Variants in PLEKHO2 observed in about 807,000 individuals in gnomAD.
PLEKHO2 encodes the protein pleckstrin homology domain containing O2.
PLEKHO2 carries 20 observed loss-of-function variants against 32.7 expected under a neutral mutation model. That is an observed-to-expected ratio of 0.61 (90% CI 0.43 to 0.89). PLEKHO2 has a LOEUF of 0.89. Ranked by LOEUF, PLEKHO2 falls within the 40% of genes least tolerant of loss-of-function variation. The probability of loss-of-function intolerance (pLI) is 0.00; values close to 1 mark genes in which losing one functional copy is unlikely to be tolerated. For missense variants in PLEKHO2, 568 were observed against 621.2 expected (o/e 0.91, Z 0.91); for synonymous variants, 247 against 246.3 (o/e 1.00, Z -0.03).
chr15:64,865,406 T>A lies in PLEKHO2; in HGVS notation c.991T>A (p.Ser331Thr), dbSNP rs763695996. 1.9e-6 allele frequency: 3 copies of A among 1,613,896 alleles called. No homozygotes were observed. The South Asian group carries it at 3.3e-5, about 18-fold the overall frequency. ...LKASMGEMQASGPPAPGTVQV... is the reference protein window; with the variant it reads ...LKASMGEMQATGPPAPGTVQV... ...AGCCTCCATGGGTGAGATGCAGGCT[T>A]CTGGGCCACCTGCTCCAGGCACAGT... is the stretch of plus-strand genomic sequence containing the variant. Residue 331 changes from serine to threonine, a missense_variant, in exon 6 of 6, where the codon TCT (serine) becomes ACT (threonine). Coordinates refer to ENST00000323544, the MANE Select transcript of PLEKHO2 (RefSeq NM_025201.5).
intron 1 of PLEKHO2, among the ~76,000 whole-genome samples, chr15:64,842,410 G>GTA: frequency 6.6e-6 from 1 of 151,594 alleles, no homozygotes; most frequent in East Asian, 1.9e-4. Context: ...GTGTGTGTGT[G>GTA]TGTGTGTGTG....
Position 64,842,388 on chromosome 15 carries a change from CTCTG to C in PLEKHO2, c.12+362_12+365del, listed in dbSNP as rs1349695488. The stretch of plus-strand genomic sequence containing the variant: ...GGTCGGATCCTGACTCTCTCTCTCT[CTCTG>C]TGTGTGTGTGTGTGTGTGTGTGTGT... On this transcript the variant is annotated intron_variant, in intron 1 of 5. Coordinates refer to ENST00000323544, the MANE Select transcript of PLEKHO2 (RefSeq NM_025201.5). 5.0e-4 allele frequency among the ~76,000 whole-genome samples: 71 copies of C among 141,860 alleles called. 2 individuals carry two copies. The highest frequency in any genetic ancestry group is 1.6e-3 in the African/African-American group (59 of 36,236). 93.1% of individuals were successfully genotyped at this position (141,860 alleles called of 152,430 possible).
chr15:64,858,105 T>C (rs1416825988), intron 3 of PLEKHO2, among the ~76,000 whole-genome samples: 2 of 152,226 alleles, frequency 1.3e-5, no homozygotes, highest in African/African-American at 4.8e-5. Context: ...AGATGCAGTG[T>C]GGTCTGTCTC....
chr15:64,866,200 G>C lies in PLEKHO2; in HGVS notation c.*312G>C. The stretch of plus-strand genomic sequence containing the variant: ...CGTTCCAAACTGCCCCAGGGCTTTG[G>C]GGGCGGCACTTGGGGTTTCTGGGAA... On this transcript the variant is annotated 3_prime_UTR_variant, in exon 6 of 6. Coordinates refer to ENST00000323544, the MANE Select transcript of PLEKHO2 (RefSeq NM_025201.5). 1 of 491,674 alleles carries C rather than the reference G, an allele frequency of 2.0e-6. No individual in the cohort carries two copies. Among genetic ancestry groups the C allele is most frequent in the African/African-American group, 1.9e-5 (1 of 51,582 alleles). The allele number at this position is 491,674 out of a possible 1,614,324, so 30.5% of individuals were successfully genotyped here.
intron 2 of PLEKHO2, among the ~76,000 whole-genome samples, chr15:64,849,268 C>T (rs780790890): frequency 6.6e-6 from 1 of 152,084 alleles, no homozygotes; most frequent in East Asian, 1.9e-4. Flanking sequence ...CTGCCTCAGC[C>T]TCTGGAGTAG....
intron 1 of PLEKHO2, among the ~76,000 whole-genome samples, chr15:64,843,625 G>A (rs2084501557): frequency 6.7e-6 from 1 of 150,068 alleles, no homozygotes; most frequent in African/African-American, 2.5e-5. Context: ...TTGTTGCCCA[G>A]GCTGGAGTGC....
Position 64,865,321 on chromosome 15 carries a change from C to T in PLEKHO2, c.906C>T (p.Ala302=), listed in dbSNP as rs760334798. 2.3e-5 allele frequency: 37 copies of T among 1,613,728 alleles called. No individual in the cohort carries two copies. The highest frequency in any genetic ancestry group is 1.6e-4 in the Middle Eastern group (1 of 6,080). ...CCTGTTCTGAGACTTCTGAGGCTGC[C>T]CCCAGGGAGGGTGGGAAGCCCCCTA... is the stretch of plus-strand genomic sequence containing the variant. ...QAPCSETSEA[A]PREGGKPPTP... Residue 302 remains alanine, a synonymous_variant, in exon 6 of 6, where the codon GCC becomes GCT. Coordinates refer to ENST00000323544, the MANE Select transcript of PLEKHO2 (RefSeq NM_025201.5).
rs865781586 is a variant in PLEKHO2, at chr15:64,848,727, G to A, written c.147G>A (p.Leu49=). Residue 49 remains leucine, a synonymous_variant, in exon 2 of 6, where the codon CTG becomes CTA. Transcript: ENST00000323544. ...RYLLLCQAQL[L]VYENEDDQKC... is the part of the protein sequence containing the mutation. ...TGCTCCTCTGCCAGGCCCAGCTGCT[G>A]GTCTATGAGAATGAGGTGAGGACCT... 6.2e-7 allele frequency: 1 copy of A among 1,613,980 alleles called. No individual in the cohort carries two copies. The highest frequency in any genetic ancestry group is 8.5e-7 in the Non-Finnish European group (1 of 1,180,026).
chr15:64,849,056 A>C (rs1249602712), intron 2 of PLEKHO2, among the ~76,000 whole-genome samples: 1 of 120,768 alleles, frequency 8.3e-6, no homozygotes, highest in Non-Finnish European at 1.7e-5. Context: ...GATCACTGCA[A>C]CCTCCGCCGC....
At chr15:64,853,561 T>C (rs1284804039) in intron 2 of PLEKHO2, among the ~76,000 whole-genome samples, 1 of 152,142 alleles carries the variant, frequency 6.6e-6, no homozygotes, top group Non-Finnish European at 1.5e-5. Context: ...CCCAAAGTGC[T>C]GGGATTACAG....
At chr15:64,856,594 C>T (rs1369904852) in intron 3 of PLEKHO2, among the ~76,000 whole-genome samples, 1 of 152,176 alleles carries the variant, frequency 6.6e-6, no homozygotes, top group African/African-American at 2.4e-5. Flanking sequence ...TCAGCCAACA[C>T]CCTCCCTACC....
chr15:64,859,764 C>T, intron 3 of PLEKHO2, 130 bp from the exon 4 acceptor site: 4 of 738,462 alleles, frequency 5.4e-6, no homozygotes, highest in Middle Eastern at 2.4e-4. Context: ...TGGCCCAAAG[C>T]CCCAGTGTCA....
At position 64,865,240 on chromosome 15, in the gene PLEKHO2, G is replaced by T; in HGVS notation, c.825G>T (p.Glu275Asp). 6.2e-7 allele frequency: 1 copy of T among 1,614,154 alleles called. No homozygotes were observed. The change falls in exon 6 of 6, where the codon GAG (glutamate) becomes GAT (aspartate). Residue 275 changes from glutamate to aspartate, a missense_variant. Coordinates refer to ENST00000323544, the MANE Select transcript of PLEKHO2 (RefSeq NM_025201.5). Reference protein sequence around the residue: ...VLPDKLKVSWENPSPQEAPAA... With the variant: ...VLPDKLKVSWDNPSPQEAPAA... ...CTGACAAACTGAAGGTGAGCTGGGA[G>T]AACCCCAGCCCCCAGGAGGCCCCTG...
chr15:64,852,738 A>G (rs1000682271), intron 2 of PLEKHO2, among the ~76,000 whole-genome samples: 8 of 151,828 alleles, frequency 5.3e-5, no homozygotes, highest in African/African-American at 1.9e-4. Context: ...CTTCTGCCTC[A>G]GCCTCCTGAG....
intron 3 of PLEKHO2, 51 bp from the exon 4 acceptor site, chr15:64,859,843 A>G (rs2084630365): frequency 6.6e-7 from 1 of 1,513,978 alleles, no homozygotes; most frequent in Non-Finnish European, 9.2e-7. Flanking sequence ...AAGATGCCAA[A>G]TGTGAGCTTT....
At chr15:64,849,723 G>A (rs1449672591) in intron 2 of PLEKHO2, among the ~76,000 whole-genome samples, 1 of 150,708 alleles carries the variant, frequency 6.6e-6, no homozygotes, top group African/African-American at 2.4e-5. Flanking sequence ...GATTACAGGC[G>A]TGAGCCTGCG....
intron 5 of PLEKHO2, among the ~76,000 whole-genome samples, chr15:64,862,303 C>T (rs540155712): frequency 1.7e-4 from 26 of 151,888 alleles, no homozygotes; most frequent in Admixed American, 7.2e-4. Context: ...GTGGGGGAGG[C>T]GGCTTTCCAG....
chr15:64,865,967 T>C lies in PLEKHO2; in HGVS notation c.*79T>C. On this transcript the variant is annotated 3_prime_UTR_variant, in exon 6 of 6. Coordinates refer to ENST00000323544, the MANE Select transcript of PLEKHO2 (RefSeq NM_025201.5). The stretch of plus-strand genomic sequence containing the variant: ...GGCCCAGCCCTGCTGAGAAATGTGC[T>C]TCTGCTTCTACAGCAATGGCTGCAG... The C allele has an allele frequency of 1.3e-6, 2 of 1,493,124 alleles. No homozygotes were observed. Among genetic ancestry groups the C allele is most frequent in the Non-Finnish European group, 1.8e-6 (2 of 1,121,072 alleles). 92.5% of individuals were successfully genotyped at this position (1,493,124 alleles called of 1,614,324 possible). A position where few individuals can be genotyped will look rare whatever the true frequency, so the allele number is the denominator to read the frequency against.
At chr15:64,847,675 C>T (rs2084532809) in intron 1 of PLEKHO2, among the ~76,000 whole-genome samples, 1 of 152,170 alleles carries the variant, frequency 6.6e-6, no homozygotes, top group Admixed American at 6.5e-5. Context: ...GTAGCTGGCC[C>T]CAAGGCTCCA....
Sources: gnomAD v4.1 joint callset for allele counts (sites outside exome capture counted in the v4.1 genomes callset) on GRCh38, gnomAD v4.1.1 for gene constraint, MANE v1.5 for transcripts, NCBI Gene and HGNC (gene_info 2026-07-23, HGNC 2026-07-21) for gene names.